The following STXBP5 variants were observed in gnomAD, a reference collection of about 807,000 sequenced individuals.
STXBP5 encodes syntaxin binding protein 5.
STXBP5 carries 50 observed loss-of-function variants against 152.4 expected under a neutral mutation model. The observed-to-expected ratio is 0.33, with a 90% CI of 0.26 to 0.42. The LOEUF is 0.42. Among genes scored for constraint, STXBP5 ranks in the 10% least tolerant of loss-of-function variants. The probability of loss-of-function intolerance (pLI) is 1.00; values close to 1 mark genes in which losing one functional copy is unlikely to be tolerated. For missense variants in STXBP5, 1,167 were observed against 1,388.6 expected (o/e 0.84, Z 2.54); for synonymous variants, 492 against 494.7 (o/e 0.99, Z 0.07).
At chr6:147,359,594 A>G (rs1441787772) in intron 23 of STXBP5, among the ~76,000 whole-genome samples, 2 of 144,320 alleles carry the variant, frequency 1.4e-5, no homozygotes, top group East Asian at 2.2e-4. Flanking sequence ...ATATCTCCCA[A>G]TGCTATCCCT....
intron 26 of STXBP5, among the ~76,000 whole-genome samples, chr6:147,378,830 G>C (rs1375699444): frequency 6.6e-6 from 1 of 152,090 alleles, no homozygotes; most frequent in Non-Finnish European, 1.5e-5. Context: ...GTAGTTTTCT[G>C]TTGCTGCTAT....
At chr6:147,332,034 A>G (rs1387762797) in intron 18 of STXBP5, among the ~76,000 whole-genome samples, 2 of 152,340 alleles carry the variant, frequency 1.3e-5, no homozygotes, top group South Asian at 4.1e-4. Flanking sequence ...TATTCAGTAA[A>G]TGTCACTTAA....
chr6:147,228,109 T>A (rs1777815792), intron 2 of STXBP5, among the ~76,000 whole-genome samples: 1 of 152,042 alleles, frequency 6.6e-6, no homozygotes, highest in Non-Finnish European at 1.5e-5. Context: ...CTGAGTTGAA[T>A]TCAGTGTTTA....
At chr6:147,327,313 A>G (rs760611802) in intron 18 of STXBP5, 37 bp downstream of exon 18, 1 of 1,585,728 alleles carries the variant, frequency 6.3e-7, no homozygotes, top group East Asian at 2.2e-5. Flanking sequence ...GAGCTTTAGG[A>G]TTTCTATAAA....
intron 18 of STXBP5, among the ~76,000 whole-genome samples, chr6:147,333,251 G>C (rs1783667736): frequency 6.6e-6 from 1 of 152,094 alleles, no homozygotes; most frequent in South Asian, 2.1e-4. Flanking sequence ...GCTGGGCATG[G>C]TGGCTCACAC....
intron 21 of STXBP5, among the ~76,000 whole-genome samples, chr6:147,348,458 T>G (rs568870317): frequency 6.6e-6 from 1 of 152,228 alleles, no homozygotes; most frequent in South Asian, 2.1e-4. Context: ...CATTTCAGAT[T>G]TCTCAGCTGC....
chr6:147,220,954 C>T (rs73582509), intron 2 of STXBP5, among the ~76,000 whole-genome samples: 3,256 of 152,052 alleles, frequency 0.021, 89 homozygotes, highest in African/African-American at 0.071. Context: ...TTTTGTTTCC[C>T]GTTCTTTTTA....
At chr6:147,211,658 C>T (rs1439698346) in intron 2 of STXBP5, among the ~76,000 whole-genome samples, 2 of 152,280 alleles carry the variant, frequency 1.3e-5, no homozygotes, top group East Asian at 1.9e-4. Context: ...AGGATTATAG[C>T]TCACTTCAGC....
At chr6:147,272,435 T>A (rs1053276640) in intron 7 of STXBP5, among the ~76,000 whole-genome samples, 6 of 152,214 alleles carry the variant, frequency 3.9e-5, no homozygotes, top group African/African-American at 1.4e-4. Context: ...AACTTCTAAA[T>A]TAACTTGTAA....
intron 18 of STXBP5, among the ~76,000 whole-genome samples, chr6:147,327,640 G>A (rs1422694253): frequency 6.6e-6 from 1 of 151,984 alleles, no homozygotes; most frequent in Non-Finnish European, 1.5e-5. Flanking sequence ...ATGGAGTTTT[G>A]TCATGTTGCC....
At chr6:147,282,867 T>C (rs1195023064) in intron 8 of STXBP5, among the ~76,000 whole-genome samples, 1 of 152,144 alleles carries the variant, frequency 6.6e-6, no homozygotes, top group Non-Finnish European at 1.5e-5. Flanking sequence ...ATCAGATGGT[T>C]TCCTAAGGAA....
At chr6:147,348,064 A>G (rs1784419291) in intron 21 of STXBP5, among the ~76,000 whole-genome samples, 1 of 152,232 alleles carries the variant, frequency 6.6e-6, no homozygotes, top group Non-Finnish European at 1.5e-5. Context: ...GTTAGTAATG[A>G]CATTATATCT....
intron 18 of STXBP5, 21 bp from the exon 19 acceptor site, chr6:147,334,135 GT>G: frequency 4.4e-6 from 7 of 1,608,048 alleles, no homozygotes; most frequent in Non-Finnish European, 5.9e-6. Flanking sequence ...GGGTTGATTT[GT>G]TTTTTGTTTT....
chr6:147,206,364 G>C (rs773910613), intron 2 of STXBP5, among the ~76,000 whole-genome samples: 1 of 152,090 alleles, frequency 6.6e-6, no homozygotes, highest in Non-Finnish European at 1.5e-5. Context: ...AAATATATCT[G>C]CTTCTATACT....
intron 4 of STXBP5, among the ~76,000 whole-genome samples, chr6:147,249,779 A>G (rs1408454221): frequency 6.6e-6 from 1 of 152,170 alleles, no homozygotes; most frequent in Non-Finnish European, 1.5e-5. Flanking sequence ...ATTTTTTACT[A>G]AAAACCCGTT....
intron 22 of STXBP5, among the ~76,000 whole-genome samples, chr6:147,358,850 G>A (rs1562266821): frequency 6.6e-6 from 1 of 151,920 alleles, no homozygotes; most frequent in Non-Finnish European, 1.5e-5. Flanking sequence ...AAGAGGGAGG[G>A]GTTGGTCTTG....
At chr6:147,354,110 A>G (rs1280965438) in intron 22 of STXBP5, among the ~76,000 whole-genome samples, 2 of 152,134 alleles carry the variant, frequency 1.3e-5, no homozygotes, top group Non-Finnish European at 2.9e-5. Flanking sequence ...ACCCACCTCT[A>G]TCTTAGAGAT....
intron 25 of STXBP5, among the ~76,000 whole-genome samples, chr6:147,368,313 A>G (rs548914389): frequency 1.3e-5 from 2 of 152,302 alleles, no homozygotes; most frequent in Admixed American, 1.3e-4. Context: ...GGGATAATAC[A>G]TTATGACCAA....
intron 6 of STXBP5, among the ~76,000 whole-genome samples, chr6:147,264,177 A>G (rs1041805845): frequency 1.3e-5 from 2 of 152,044 alleles, no homozygotes; most frequent in African/African-American, 4.8e-5. Flanking sequence ...GCAAAGAACT[A>G]GACATTTTGT....
Sources: allele counts gnomAD v4.1 joint callset (sites outside exome capture counted in the v4.1 genomes callset), GRCh38; gene constraint gnomAD v4.1.1; transcripts MANE v1.5; gene names NCBI Gene and HGNC (gene_info 2026-07-23, HGNC 2026-07-21).